The following TRIM5 variants were observed in gnomAD, a reference collection of about 807,000 sequenced individuals.
TRIM5 encodes the protein tripartite motif containing 5, also known as tripartite motif-containing protein 5.
TRIM5 carries 31 observed loss-of-function variants against 35.6 expected under a neutral mutation model. That is an observed-to-expected ratio of 0.87 (90% confidence interval 0.65 to 1.18). The LOEUF (loss-of-function observed/expected upper bound fraction) is 1.18, where lower values mean the gene tolerates loss of function less well. Among genes scored for constraint, TRIM5 ranks in the 50% most tolerant of loss-of-function variants. The pLI, the probability that TRIM5 is intolerant of heterozygous loss-of-function variation, is 0.00. For synonymous variants in TRIM5, 243 were observed against 215.6 expected (o/e 1.13, Z -1.11); for missense variants, 609 against 591.6 (o/e 1.03, Z -0.31).
the TRIM5 span, chr11:5,632,800 T>G: frequency 1.4e-6 from 2 of 1,440,886 alleles, no homozygotes; most frequent in Non-Finnish European, 1.8e-6. Context: ...TGGTAGTTGG[T>G]GGAAAATCTC....
rs1851026488 is a variant in TRIM5, at chr11:5,665,095, T to C, written c.1196A>G (p.Tyr399Cys). 6.2e-7 allele frequency: 1 copy of C among 1,614,136 alleles called. No individual in the cohort carries two copies. Residue 399 changes from tyrosine to cysteine, a missense_variant, in exon 8 of 8, where the codon TAC becomes TGC. Tyr to Cys is a radical substitution (Grantham distance 194). Transcript: ENST00000380034. Reference sequence around the variant, plus strand: ...TCCTTCCTCTAACCCTATAACCCAGTAGCCGTATTTAGGTTGATAATTTTC... The same window carrying C: ...TCCTTCCTCTAACCCTATAACCCAGCAGCCGTATTTAGGTTGATAATTTTC... Reference protein sequence around the residue: ...KNENYQPKYGYWVIGLEEGVK... With the variant: ...KNENYQPKYGCWVIGLEEGVK...
In TRIM5 at chr11:5,674,599, T is replaced by C. The variant is rs58542729; in HGVS notation, c.744+3605A>G. 2.1e-3 allele frequency among the ~76,000 whole-genome samples: 324 copies of C among 152,322 alleles called. 1 individual carries two copies. The highest frequency in any genetic ancestry group is 7.3e-3 in the African/African-American group (303 of 41,564). On this transcript the variant is annotated intron_variant, in intron 4 of 7. Coordinates refer to ENST00000380034, the MANE Select transcript of TRIM5 (RefSeq NM_033034.3). ...ACACCAGACTCCAGACTGGTATCTA[T>C]GGATAAGCCTCCAGGCCGTATCTCA...
chr11:5,590,047 G>A, the TRIM5 span: 2 of 157,706 alleles, frequency 1.3e-5, no homozygotes, highest in Non-Finnish European at 2.8e-5. Context: ...GGGTGTACTG[G>A]GTCCCCCAGC....
chr11:5,596,430 C>G, the TRIM5 span, among the ~76,000 whole-genome samples: 146,214 of 150,892 alleles, frequency 0.97, 71,005 homozygotes, highest in Middle Eastern at 1. Context: ...GGAGGCAGCT[C>G]TGGAAACTGC....
the TRIM5 span, among the ~76,000 whole-genome samples, chr11:5,633,378 A>G: frequency 3.3e-5 from 5 of 152,062 alleles, no homozygotes; most frequent in Non-Finnish European, 7.4e-5. Flanking sequence ...ATCCTAGAGT[A>G]CAGTCTCTTA....
the TRIM5 span, among the ~76,000 whole-genome samples, chr11:5,595,752 C>T: frequency 6.6e-6 from 1 of 150,470 alleles, no homozygotes; most frequent in Non-Finnish European, 1.5e-5. Context: ...GAGTCTCGCT[C>T]TGTCTCCAGG....
chr11:5,632,144 T>A, the TRIM5 span: 1 of 1,455,674 alleles, frequency 6.9e-7, no homozygotes, highest in South Asian at 1.5e-5. Flanking sequence ...TTTCTCTTCC[T>A]CATCTTCTTT....
the TRIM5 span, among the ~76,000 whole-genome samples, chr11:5,651,185 G>A: frequency 6.6e-6 from 1 of 152,266 alleles, no homozygotes; most frequent in African/African-American, 2.4e-5. Context: ...CACTTTAAAA[G>A]GGATATTTCC....
chr11:5,673,097 T>C (rs911445445), intron 4 of TRIM5, among the ~76,000 whole-genome samples: 3 of 152,128 alleles, frequency 2.0e-5, no homozygotes, highest in East Asian at 1.9e-4. Context: ...TTGCATTAAA[T>C]GTTATAATGA....
At chr11:5,644,003 G>T in the TRIM5 span, 2 of 467,242 alleles carry the variant, frequency 4.3e-6, no homozygotes, top group Non-Finnish European at 7.3e-6. Flanking sequence ...ATATGAAGAG[G>T]CCCAAAGCCT....
At chr11:5,669,942 TC>T in intron 4 of TRIM5, 1 of 177,106 alleles carries the variant, frequency 5.6e-6, no homozygotes, top group Non-Finnish European at 1.3e-5. Context: ...ACCACTGCAC[TC>T]CAGCCTGGGC....
chr11:5,632,415 A>G, the TRIM5 span: 3 of 1,614,124 alleles, frequency 1.9e-6, no homozygotes, highest in African/African-American at 4.0e-5. Context: ...CCTTGAGTCT[A>G]GACTGTGGCC....
chr11:5,678,231 C>T lies in TRIM5; in HGVS notation c.717G>A (p.Leu239=). The T allele has an allele frequency of 1.2e-6, 2 of 1,613,338 alleles. No homozygotes were observed. Among genetic ancestry groups the T allele is most frequent in the South Asian group, 1.1e-5 (1 of 91,018 alleles). ...RELISDLEHR[L]QGSVMELLQG... The stretch of plus-strand genomic sequence containing the variant: ...GAAGCAGCTCCATCACTGACCCCTG[C>T]AGCCGATGCTCCAGATCTGAGATGA... Residue 239 remains leucine (L), a synonymous_variant, in exon 4 of 8, where the codon CTG becomes CTA. Coordinates refer to ENST00000380034, the MANE Select transcript of TRIM5 (RefSeq NM_033034.3).
the TRIM5 span, chr11:5,603,439 G>C: frequency 6.2e-7 from 1 of 1,614,108 alleles, no homozygotes; most frequent in Non-Finnish European, 8.5e-7. Flanking sequence ...CACACCAAAT[G>C]GCAGGGAATC....
chr11:5,675,386 G>A (rs554901166), intron 4 of TRIM5, among the ~76,000 whole-genome samples: 13 of 152,246 alleles, frequency 8.5e-5, no homozygotes, highest in Admixed American at 2.6e-4. Flanking sequence ...AACACTGAAC[G>A]TAGAGCCTGA....
intron 4 of TRIM5, among the ~76,000 whole-genome samples, chr11:5,673,300 A>G (rs1851707559): frequency 6.6e-6 from 1 of 152,144 alleles, no homozygotes; most frequent in Non-Finnish European, 1.5e-5. Context: ...GACCAAAGAT[A>G]CTTTAAGGCA....
the TRIM5 span, among the ~76,000 whole-genome samples, chr11:5,650,602 G>T: frequency 6.6e-6 from 1 of 152,196 alleles, no homozygotes; most frequent in African/African-American, 2.4e-5. Flanking sequence ...ATGCACATGT[G>T]AGCCACTTCT....
At chr11:5,610,372 A>AG in the TRIM5 span, 1 of 1,560,916 alleles carries the variant, frequency 6.4e-7, no homozygotes, top group Non-Finnish European at 8.7e-7. Context: ...GGAGGGACAT[A>AG]GTGTGCTGAA....
the TRIM5 span, among the ~76,000 whole-genome samples, chr11:5,637,876 T>C: frequency 6.6e-6 from 1 of 152,240 alleles, no homozygotes; most frequent in African/African-American, 2.4e-5. Flanking sequence ...TAAGGGTCTG[T>C]TGCATAATGC....
Sources: gnomAD v4.1 joint callset for allele counts (sites outside exome capture counted in the v4.1 genomes callset) on GRCh38, gnomAD v4.1.1 for gene constraint, MANE v1.5 for transcripts, NCBI Gene and HGNC (gene_info 2026-07-23, HGNC 2026-07-21) for gene names.